Variants in ROBO2 observed in about 807,000 individuals in gnomAD.
ROBO2 encodes the protein roundabout homolog 2.
ROBO2 carries 53 observed loss-of-function variants against 160.8 expected under a neutral mutation model. The observed-to-expected ratio is 0.33, with a 90% CI of 0.26 to 0.41. The LOEUF (loss-of-function observed/expected upper bound fraction) is 0.41, where lower values mean the gene tolerates loss of function less well. Ranked by LOEUF, ROBO2 falls within the 10% of genes least tolerant of loss-of-function variation. The probability of loss-of-function intolerance (pLI) is 1.00; values close to 1 mark genes in which losing one functional copy is unlikely to be tolerated. For synonymous variants in ROBO2, 664 were observed against 611.7 expected (o/e 1.09, Z -1.26); for missense variants, 1,577 against 1,722.4 (o/e 0.92, Z 1.49).
At chr3:76,262,222 A>G (rs1296565866) in intron 2 of ROBO2, among the ~76,000 whole-genome samples, 1 of 152,146 alleles carries the variant, frequency 6.6e-6, no homozygotes, top group Non-Finnish European at 1.5e-5. Context: ...TTTAATACTT[A>G]TTAAATATTA....
At chr3:76,173,403 C>T (rs2073114853) in intron 2 of ROBO2, among the ~76,000 whole-genome samples, 1 of 151,880 alleles carries the variant, frequency 6.6e-6, no homozygotes, top group African/African-American at 2.4e-5. Context: ...AGTTTTATTA[C>T]ATAGGTATAC....
intron 2 of ROBO2, among the ~76,000 whole-genome samples, chr3:75,991,664 C>T (rs1476422774): frequency 6.6e-6 from 1 of 151,820 alleles, no homozygotes; most frequent in East Asian, 1.9e-4. Flanking sequence ...GAAAAGATAC[C>T]CCAAAATGTG....
chr3:77,098,575 C>T (rs751627772), intron 2 of ROBO2, among the ~76,000 whole-genome samples: 8 of 152,100 alleles, frequency 5.3e-5, no homozygotes, highest in Admixed American at 2.6e-4. Flanking sequence ...AGGCCGGGCG[C>T]GGTGGCTCAC....
At position 77,025,384 on chromosome 3, in the gene ROBO2, T is replaced by C. The variant is rs576867043; in HGVS notation, c.110-72630T>C. ...ACTATGTCCCAAGTGGCATCAATAA[T>C]TAATTTTGTGGAAGCTTTCCAGTTC... On this transcript the variant is annotated intron_variant, in intron 2 of 26. Coordinates refer to the ROBO2 transcript ENST00000487694. Among the ~76,000 whole-genome samples, 12 of 152,286 alleles carry C rather than the reference T, an allele frequency of 7.9e-5. No individual in the cohort carries two copies. The East Asian group carries it at 2.1e-3, about 27-fold the overall frequency.
At chr3:77,557,207 A>G (rs1439105483) in intron 8 of ROBO2, among the ~76,000 whole-genome samples, 3 of 152,006 alleles carry the variant, frequency 2.0e-5, no homozygotes, top group African/African-American at 7.2e-5. Flanking sequence ...TGGAAAATTT[A>G]TCCAAATGAA....
chr3:76,030,353 A>G (rs571764590), intron 2 of ROBO2, among the ~76,000 whole-genome samples: 8 of 152,300 alleles, frequency 5.3e-5, no homozygotes, highest in African/African-American at 1.9e-4. Flanking sequence ...TTTGCTGGGC[A>G]GAAGCTCTTT....
chr3:75,964,934 T>C (rs570736969), intron 2 of ROBO2: 1 of 143,990 alleles, frequency 6.9e-6, no homozygotes, highest in East Asian at 2.1e-4. Context: ...GTTGTACTAT[T>C]ATCCAACTGT....
intron 2 of ROBO2, among the ~76,000 whole-genome samples, chr3:76,922,817 C>T (rs986208434): frequency 3.3e-5 from 5 of 152,204 alleles, no homozygotes; most frequent in African/African-American, 1.2e-4. Flanking sequence ...TCGTGCTCCA[C>T]ACAGAGCTTT....
At chr3:77,585,622 T>TAA (rs2094026570) in intron 16 of ROBO2, among the ~76,000 whole-genome samples, 1 of 151,444 alleles carries the variant, frequency 6.6e-6, no homozygotes, top group Non-Finnish European at 1.5e-5. Flanking sequence ...ATTTTTTGTG[T>TAA]ACACACACAC....
intron 16 of ROBO2, among the ~76,000 whole-genome samples, chr3:77,587,869 C>G (rs777801956): frequency 4.5e-4 from 68 of 151,946 alleles, no homozygotes; most frequent in Admixed American, 8.6e-4. Context: ...CACTTAATTC[C>G]CAGCATCTAC....
intron 1 of ROBO2, among the ~76,000 whole-genome samples, chr3:77,075,669 C>T (rs6548476): frequency 1 from 137,347 of 137,566 alleles, 68,564 homozygotes; most frequent in Middle Eastern, 1. Flanking sequence ...TTCTTTCTTT[C>T]TCCTTTTTTT....
At chr3:77,142,275 ATT>A (rs1236829809) in intron 2 of ROBO2, among the ~76,000 whole-genome samples, 1 of 152,176 alleles carries the variant, frequency 6.6e-6, no homozygotes, top group Non-Finnish European at 1.5e-5. Flanking sequence ...ATTCTTCTGT[ATT>A]TGATAAAGTC....
chr3:76,745,906 A>G (rs1175378204), intron 2 of ROBO2, among the ~76,000 whole-genome samples: 1 of 150,628 alleles, frequency 6.6e-6, no homozygotes, highest in Non-Finnish European at 1.5e-5. Flanking sequence ...ATATGTATAC[A>G]TGTGCCATGC....
At chr3:76,258,309 A>C (rs1460855145) in intron 2 of ROBO2, among the ~76,000 whole-genome samples, 2 of 152,014 alleles carry the variant, frequency 1.3e-5, no homozygotes, top group African/African-American at 4.8e-5. Context: ...TTTTTTCTGC[A>C]TCACTAATCC....
chr3:76,509,487 C>G (rs2080968737), intron 2 of ROBO2, among the ~76,000 whole-genome samples: 1 of 152,036 alleles, frequency 6.6e-6, no homozygotes, highest in Non-Finnish European at 1.5e-5. Flanking sequence ...AAAGGTCACC[C>G]TTGGTCGAAT....
At chr3:76,251,439 C>T (rs552445110) in intron 2 of ROBO2, among the ~76,000 whole-genome samples, 1 of 152,094 alleles carries the variant, frequency 6.6e-6, no homozygotes, top group East Asian at 1.9e-4. Context: ...TAATATAAAT[C>T]TACAGTTATA....
intron 2 of ROBO2, among the ~76,000 whole-genome samples, chr3:75,975,113 G>C (rs1270103952): frequency 2.0e-5 from 3 of 151,396 alleles, no homozygotes; most frequent in Non-Finnish European, 4.4e-5. Flanking sequence ...TTCGGGATTA[G>C]AATTGGCTAG....
intron 2 of ROBO2, among the ~76,000 whole-genome samples, chr3:76,087,481 T>A (rs2108069644): frequency 1.3e-5 from 2 of 152,044 alleles, no homozygotes; most frequent in Middle Eastern, 3.4e-3. Flanking sequence ...ATTGAGAGAA[T>A]GTTTTGTCAG....
At chr3:75,922,120 A>C (rs1947084041) in intron 1 of ROBO2, among the ~76,000 whole-genome samples, 1 of 152,138 alleles carries the variant, frequency 6.6e-6, no homozygotes, top group Admixed American at 6.5e-5. Context: ...AAAATCCAAT[A>C]TATGATAAAG....
Sources: allele counts gnomAD v4.1 joint callset (sites outside exome capture counted in the v4.1 genomes callset), GRCh38; gene constraint gnomAD v4.1.1; transcripts MANE v1.5; gene names NCBI Gene and HGNC (gene_info 2026-07-23, HGNC 2026-07-21).